Variants in NOD2 observed in about 807,000 individuals in gnomAD.
The protein encoded by NOD2 is nucleotide-binding oligomerization domain-containing protein 2.
NOD2 carries 86 observed loss-of-function variants against 90.9 expected under a neutral mutation model. The ratio of observed to expected loss-of-function variants is 0.95; its 90% confidence interval spans 0.79 to 1.13. The LOEUF (loss-of-function observed/expected upper bound fraction) is 1.13, where lower values mean the gene tolerates loss of function less well. Ranked by LOEUF, NOD2 falls within the 50% of genes most tolerant of loss-of-function variation. The probability of loss-of-function intolerance (pLI) is 0.00; values close to 1 mark genes in which losing one functional copy is unlikely to be tolerated. For synonymous variants in NOD2, 581 were observed against 554.6 expected, an observed-to-expected ratio of 1.05 and a Z score of -0.67; for missense variants, 1,238 against 1,283.8, an observed-to-expected ratio of 0.96 and a Z score of 0.55.
At chr16:50,707,147 C>T (rs1332205456) in intron 2 of NOD2, among the ~76,000 whole-genome samples, 2 of 152,164 alleles carry the variant, frequency 1.3e-5, no homozygotes, top group African/African-American at 2.4e-5. Context: ...ATTCCACATG[C>T]GGCTTGCATT....
intron 6 of NOD2, 96 bp from the exon 7 acceptor site, chr16:50,719,829 A>G (rs760179143): frequency 1.5e-5 from 18 of 1,172,266 alleles, no homozygotes; most frequent in East Asian, 2.3e-5. Context: ...CAGGTCTTCA[A>G]TGCTTTCTTC....
intron 2 of NOD2, 128 bp downstream of exon 2, chr16:50,700,082 C>A (rs1464895122): frequency 2.4e-6 from 2 of 825,382 alleles, no homozygotes; most frequent in African/African-American, 1.7e-5. Flanking sequence ...AAAAAGGTAG[C>A]CAGGCAGGTA....
intron 2 of NOD2, among the ~76,000 whole-genome samples, chr16:50,703,837 T>A (rs914588391): frequency 6.6e-6 from 1 of 152,134 alleles, no homozygotes; most frequent in East Asian, 1.9e-4. Context: ...CAGTCGGCAA[T>A]GCCATGAATG....
chr16:50,729,955 T>G (rs1965397889), intron 11 of NOD2, 54 bp downstream of exon 11: 1 of 1,350,572 alleles, frequency 7.4e-7, no homozygotes, highest in Non-Finnish European at 1.1e-6. Context: ...TTTTTCTATC[T>G]GTAAAATGGG....
chr16:50,706,090 T>C (rs1167593799), intron 2 of NOD2, among the ~76,000 whole-genome samples: 1 of 152,128 alleles, frequency 6.6e-6, no homozygotes, highest in Non-Finnish European at 1.5e-5. Flanking sequence ...AAGTAAAGAC[T>C]TGAAGGAGGA....
chr16:50,695,710 C>G (rs1167153304), intron 1 of NOD2, among the ~76,000 whole-genome samples: 1 of 151,758 alleles, frequency 6.6e-6, no homozygotes, highest in Non-Finnish European at 1.5e-5. Flanking sequence ...GTTGGGGTGT[C>G]CTGGAGGAAA....
intron 3 of NOD2, among the ~76,000 whole-genome samples, chr16:50,709,766 AATCCGGACATGGAC>A (rs1214685946): frequency 6.6e-6 from 1 of 152,208 alleles, no homozygotes; most frequent in Non-Finnish European, 1.5e-5. Context: ...AGGTTCTGAG[AATCCGGACATGGAC>A]ATCTTTGAGG....
chr16:50,711,022 C>T lies in NOD2; in HGVS notation c.1030C>T (p.Pro344Ser). Reference protein sequence around the residue: ...EDIFQLLLDHPDRVLLTFDGF... With the variant: ...EDIFQLLLDHSDRVLLTFDGF... ...CATCTTCCAGTTACTCCTTGACCACCCTGACCGTGTCCTGTTAACCTTTGA... is the reference window on the plus strand; with the variant it reads ...CATCTTCCAGTTACTCCTTGACCACTCTGACCGTGTCCTGTTAACCTTTGA... Residue 344 changes from proline to serine, a missense_variant, in exon 4 of 12, where the codon CCT becomes TCT. This residue lies in a region of NOD2 where 567 missense variants were observed against 577.3 expected (regional missense o/e 0.98). Coordinates refer to ENST00000647318, the MANE Select transcript of NOD2 (RefSeq NM_001370466.1). 1 of 1,614,238 alleles carries T rather than the reference C, an allele frequency of 6.2e-7. No individual in the cohort carries two copies. Among genetic ancestry groups the T allele is most frequent in the Non-Finnish European group, 8.5e-7 (1 of 1,180,044 alleles).
At chr16:50,700,844 G>A (rs1963909988) in intron 2 of NOD2, among the ~76,000 whole-genome samples, 1 of 152,162 alleles carries the variant, frequency 6.6e-6, no homozygotes, top group South Asian at 2.1e-4. Flanking sequence ...AAATGTTTAT[G>A]TAGGATTTCT....
intron 4 of NOD2, chr16:50,712,650 G>T (rs766877459): frequency 1.2e-5 from 6 of 521,682 alleles, no homozygotes; most frequent in Non-Finnish European, 2.1e-5. Context: ...AGGCAGGAAT[G>T]TTATTATCTC....
Position 50,732,335 on chromosome 16 carries a change from TCCTGC to T in NOD2, c.*517_*521del. On this transcript the variant is annotated 3_prime_UTR_variant, in exon 12 of 12. Transcript: ENST00000647318. Reference sequence around the variant, plus strand: ...TCTGGTTCCTCCCCTCCTCCTGGACTCCTGCACACGCTCCTTCCTCTGAGGCTGAA... The same window carrying T: ...TCTGGTTCCTCCCCTCCTCCTGGACTACACGCTCCTTCCTCTGAGGCTGAA... 4 of 180,840 alleles carry T rather than the reference TCCTGC, an allele frequency of 2.2e-5. No individual in the cohort carries two copies. The highest frequency in any genetic ancestry group is 1.1e-4 in the Admixed American group (2 of 18,662). The allele number at this position is 180,840 out of a possible 1,614,324, so 11.2% of individuals were successfully genotyped here.
At chr16:50,720,567 A>G (rs781279147) in intron 7 of NOD2, among the ~76,000 whole-genome samples, 12 of 152,064 alleles carry the variant, frequency 7.9e-5, no homozygotes, top group Non-Finnish European at 1.6e-4. Flanking sequence ...GGAGGGGAGT[A>G]CCCCAACCTG....
intron 2 of NOD2, among the ~76,000 whole-genome samples, chr16:50,704,564 C>G (rs1039827876): frequency 2.0e-5 from 3 of 148,626 alleles, no homozygotes; most frequent in Non-Finnish European, 4.4e-5. Flanking sequence ...GACAGTGTCT[C>G]ACTCTGTCAC....
At chr16:50,697,527 C>T in intron 1 of NOD2, 1 of 652,668 alleles carries the variant, frequency 1.5e-6, no homozygotes, top group Non-Finnish European at 2.8e-6. Context: ...GCTGGTGTTT[C>T]CACAGCTGAG....
At chr16:50,699,394 G>C in intron 1 of NOD2, 94 bp from the exon 2 acceptor site, 1 of 995,134 alleles carries the variant, frequency 1.0e-6, no homozygotes, top group Non-Finnish European at 1.6e-6. Context: ...TGGCCAACTC[G>C]GGTTCTGCTG....
chr16:50,716,510 G>A (rs539842450), intron 4 of NOD2, 77 bp from the exon 5 acceptor site: 1 of 1,357,522 alleles, frequency 7.4e-7, no homozygotes, highest in African/African-American at 1.4e-5. Context: ...ATGAATGAAA[G>A]TCTTTTTGGG....
chr16:50,725,457 A>G (rs2150836792), intron 9 of NOD2, 32 bp from the exon 10 acceptor site: 2 of 1,540,166 alleles, frequency 1.3e-6, no homozygotes, highest in Non-Finnish European at 1.8e-6. Flanking sequence ...TCAATGTTGT[A>G]TCAACTGGAT....
At chr16:50,718,355 C>G (rs149615228) in intron 6 of NOD2, among the ~76,000 whole-genome samples, 1 of 152,284 alleles carries the variant, frequency 6.6e-6, no homozygotes, top group African/African-American at 2.4e-5. Flanking sequence ...CAAATGGGAG[C>G]GTATAGAGCG....
At chr16:50,714,725 C>T (rs943551024) in intron 4 of NOD2, among the ~76,000 whole-genome samples, 4 of 151,408 alleles carry the variant, frequency 2.6e-5, no homozygotes, top group African/African-American at 9.7e-5. Context: ...TGCCAACCTG[C>T]CTCTCTCCCA....
Sources: allele counts gnomAD v4.1 joint callset (sites outside exome capture counted in the v4.1 genomes callset), GRCh38; gene constraint gnomAD v4.1.1; regional missense constraint gnomAD v4.1.1; transcripts MANE v1.5; gene names NCBI Gene and HGNC (gene_info 2026-07-23, HGNC 2026-07-21).